BCR: variants seen among roughly 807,000 people sequenced by gnomAD.
BCR encodes the protein BCR activator of RhoGEF and GTPase.
A neutral mutation model predicts 138.6 loss-of-function variants in BCR; 58 were observed. The ratio of observed to expected loss-of-function variants is 0.42; its 90% CI spans 0.34 to 0.52. The LOEUF is 0.52. Among genes scored for constraint, BCR ranks in the 20% least tolerant of loss-of-function variants. BCR has a pLI of 0.06. For synonymous variants in BCR, 786 were observed against 730.1 expected (o/e 1.08, Z -1.23); for missense variants, 1,599 against 1,727.2 (o/e 0.93, Z 1.32).
chr22:23,301,261 G>A (rs972052123), intron 16 of BCR, among the ~76,000 whole-genome samples: 17 of 152,228 alleles, frequency 1.1e-4, no homozygotes, highest in Admixed American at 2.0e-4. Flanking sequence ...AGCCAGGGTC[G>A]TGCCACTGCA....
intron 8 of BCR, among the ~76,000 whole-genome samples, chr22:23,276,835 T>G (rs1044472612): frequency 1.3e-5 from 2 of 152,244 alleles, no homozygotes; most frequent in Non-Finnish European, 2.9e-5. Context: ...CAGGGTCCGC[T>G]CTCCCTCACT....
intron 16 of BCR, among the ~76,000 whole-genome samples, chr22:23,299,694 TTATATATATA>T (rs10532946): frequency 0.33 from 47,773 of 145,894 alleles, 7,987 homozygotes; most frequent in African/African-American, 0.39. Flanking sequence ...GATCTAGAGT[TTATATATATA>T]TATATATATA....
rs772886566 is a variant in BCR at position 23,253,881 on chromosome 22, C to T, written c.1362C>T (p.Pro454=). ...EEQRRHQDGL[P]YIDDSPSSSP... ...AGCGCCGGCACCAAGATGGGCTGCC[C>T]TACATTGATGACTCGCCCTCCTCAT... Residue 454 remains proline, a synonymous_variant, in exon 2 of 23, where the codon CCC becomes CCT. Transcript: ENST00000305877. 1.2e-6 allele frequency: 2 copies of T among 1,613,098 alleles called. No individual in the cohort carries two copies. Among genetic ancestry groups the T allele is most frequent in the East Asian group, 4.5e-5 (2 of 44,876 alleles).
At chr22:23,217,716 C>A (rs939308405) in intron 1 of BCR, among the ~76,000 whole-genome samples, 1 of 152,198 alleles carries the variant, frequency 6.6e-6, no homozygotes, top group Non-Finnish European at 1.5e-5. Flanking sequence ...TGGACTCTTA[C>A]AAGTTCTCTG....
intron 18 of BCR, among the ~76,000 whole-genome samples, chr22:23,310,785 G>A (rs2073998434): frequency 1.3e-5 from 2 of 152,214 alleles, no homozygotes; most frequent in Non-Finnish European, 2.9e-5. Context: ...TGGTTTGAGA[G>A]CAGTTCATGC....
chr22:23,210,865 A>G (rs1287530743), intron 1 of BCR, among the ~76,000 whole-genome samples: 3 of 152,198 alleles, frequency 2.0e-5, no homozygotes, highest in Non-Finnish European at 4.4e-5. Flanking sequence ...ATGGGTCAGT[A>G]CTGTTCTTCC....
At chr22:23,251,912 C>T (rs1167634437) in intron 1 of BCR, among the ~76,000 whole-genome samples, 1 of 152,190 alleles carries the variant, frequency 6.6e-6, no homozygotes, top group Non-Finnish European at 1.5e-5. Context: ...AGTCCACTGG[C>T]TTAGAAAACT....
chr22:23,240,339 G>GTGTA (rs2073075148), intron 1 of BCR, among the ~76,000 whole-genome samples: 1 of 135,788 alleles, frequency 7.4e-6, no homozygotes, highest in Non-Finnish European at 1.6e-5. Flanking sequence ...GTGTGTGTGT[G>GTGTA]TGTGTCTGTC....
At chr22:23,300,285 C>T (rs1304709979) in intron 16 of BCR, among the ~76,000 whole-genome samples, 1 of 152,244 alleles carries the variant, frequency 6.6e-6, no homozygotes, top group African/African-American at 2.4e-5. Flanking sequence ...CTAGCTACCT[C>T]ATGTAAGTGG....
intron 4 of BCR, chr22:23,263,160 G>GA: frequency 1.3e-6 from 1 of 766,444 alleles, no homozygotes. Flanking sequence ...CAGGGAGGAG[G>GA]AGGAGGAGGC....
intron 22 of BCR, 59 bp from the exon 23 acceptor site, chr22:23,315,374 A>G (rs2074058348): frequency 5.9e-6 from 9 of 1,533,156 alleles, no homozygotes; most frequent in Admixed American, 1.7e-5. Flanking sequence ...AAGACCTCCC[A>G]CCAGCAGCTG....
In BCR at chr22:23,312,830, G is replaced by A; in HGVS notation, c.3323-57G>A. 2.5e-6 allele frequency: 4 copies of A among 1,592,770 alleles called. 1 individual carries two copies. In the South Asian group the frequency reaches 4.4e-5, roughly 18 times the overall value. On this transcript the variant is annotated intron_variant, in intron 19 of 22. Coordinates refer to ENST00000305877, the MANE Select transcript of BCR (RefSeq NM_004327.4). ...CAGTGCTTTAGCCAAGGCAGGGATGGTGGGAGACTCACTCGGGATCCTCAA... is the reference window on the plus strand; with the variant it reads ...CAGTGCTTTAGCCAAGGCAGGGATGATGGGAGACTCACTCGGGATCCTCAA...
chr22:23,235,685 A>G (rs559482469), intron 1 of BCR, among the ~76,000 whole-genome samples: 3 of 152,338 alleles, frequency 2.0e-5, no homozygotes, highest in East Asian at 1.9e-4. Flanking sequence ...CAAAAATGCC[A>G]TAAACTGGGT....
chr22:23,229,656 CAT>C (rs1204843724), intron 1 of BCR, among the ~76,000 whole-genome samples: 1 of 152,202 alleles, frequency 6.6e-6, no homozygotes, highest in Non-Finnish European at 1.5e-5. Flanking sequence ...TGTTTTCACA[CAT>C]GTGCAGTTTA....
At position 23,181,644 on chromosome 22, in the gene BCR, G is replaced by T. The variant is rs372574844; in HGVS notation, c.684G>T (p.Arg228Ser). ...GAGSSVGDAS[R>S]PPYRGRSSES... ...GCTCGAGCGTGGGGGATGCATCCAG[G>T]CCCCCTTACCGGGGACGCTCCTCGG... The change falls in exon 1 of 23, where the codon AGG becomes AGT. Residue 228 changes from arginine to serine, a missense_variant. Around this residue, in one of 4 missense-constraint regions of BCR, gnomAD observed 806 missense variants for 635.0 expected, o/e 1.27. Transcript: ENST00000305877. 3.3e-5 allele frequency: 53 copies of T among 1,609,540 alleles called. No individual in the cohort carries two copies. Among genetic ancestry groups the T allele is most frequent in the Non-Finnish European group, 4.2e-5 (49 of 1,179,932 alleles).
intron 1 of BCR, among the ~76,000 whole-genome samples, chr22:23,200,749 G>A (rs2072543827): frequency 6.6e-6 from 1 of 151,902 alleles, no homozygotes; most frequent in South Asian, 2.1e-4. Flanking sequence ...TTGTAGAGAT[G>A]AGGTGTCTTC....
At chr22:23,255,176 T>C (rs2073278721) in intron 2 of BCR, among the ~76,000 whole-genome samples, 1 of 152,226 alleles carries the variant, frequency 6.6e-6, no homozygotes, top group African/African-American at 2.4e-5. Context: ...GGACTGCTGC[T>C]TACGTATATA....
At chr22:23,199,511 C>T (rs1328355398) in intron 1 of BCR, among the ~76,000 whole-genome samples, 1 of 152,144 alleles carries the variant, frequency 6.6e-6, no homozygotes, top group Non-Finnish European at 1.5e-5. Context: ...CTTGTGGAAG[C>T]GTCTGCTGCT....
Position 23,315,633 on chromosome 22 carries a change from G to A in BCR, c.*111G>A, listed in dbSNP as rs139707812. 4 of 1,027,106 alleles carry A rather than the reference G, an allele frequency of 3.9e-6. No homozygotes were observed. Among genetic ancestry groups the A allele is most frequent in the East Asian group, 2.5e-5 (1 of 39,484 alleles). The allele number at this position is 1,027,106 out of a possible 1,614,324, so 63.6% of individuals were successfully genotyped here. ...AGGTGTCCTTGGGCCACCCCCAAGT[G>A]TTGGGCCATCTGCCAAGAGACAGCG... is the stretch of plus-strand genomic sequence containing the variant. On this transcript the variant is annotated 3_prime_UTR_variant, in exon 23 of 23. Coordinates refer to ENST00000305877, the MANE Select transcript of BCR (RefSeq NM_004327.4).
Sources: allele counts gnomAD v4.1 joint callset (sites outside exome capture counted in the v4.1 genomes callset), GRCh38; gene constraint gnomAD v4.1.1; regional missense constraint gnomAD v4.1.1; transcripts MANE v1.5; gene names NCBI Gene and HGNC (gene_info 2026-07-23, HGNC 2026-07-21).